The following SLC5A11 variants were observed in gnomAD, a reference collection of about 807,000 sequenced individuals.
The protein encoded by SLC5A11 is solute carrier family 5 member 11, also known as sodium/myo-inositol cotransporter 2.
SLC5A11 carries 48 observed loss-of-function variants against 69.8 expected under a neutral mutation model. The observed-to-expected ratio is 0.69, with a 90% CI of 0.55 to 0.87. The LOEUF (loss-of-function observed/expected upper bound fraction) is 0.87, where lower values mean the gene tolerates loss of function less well. SLC5A11 is among the 40% of genes least tolerant of loss of function. SLC5A11 has a pLI of 0.00. For synonymous variants in SLC5A11, 319 were observed against 342.4 expected (o/e 0.93, Z 0.75); for missense variants, 784 against 866.1 (o/e 0.91, Z 1.19).
chr16:24,877,313 A>G, exon 7 of SLC5A11: 9 of 1,614,080 alleles, frequency 5.6e-6, no homozygotes, highest in Non-Finnish European at 5.9e-6. Context: ...CTGGATCTGT[A>G]CCTGGCCATA....
intron 10 of SLC5A11, among the ~76,000 whole-genome samples, chr16:24,901,958 G>GCACACACACACACACACACACACACA (rs56126191): frequency 1.5e-5 from 2 of 136,576 alleles, no homozygotes; most frequent in African/African-American, 5.5e-5. Flanking sequence ...ACACACACAC[G>GCACACACACACACACACACACACACA]CACACACACA....
chr16:24,855,890 T>G (rs2059506836), intron 1 of SLC5A11, among the ~76,000 whole-genome samples: 1 of 152,172 alleles, frequency 6.6e-6, no homozygotes. Flanking sequence ...GTCTAAGGTA[T>G]TTGATTGTAA....
chr16:24,875,704 A>G (rs767525127), exon 6 of SLC5A11: 2 of 1,613,694 alleles, frequency 1.2e-6, no homozygotes, highest in East Asian at 2.2e-5. Context: ...TACTCTACCT[A>G]TTTATCTACA....
chr16:24,895,206 C>T (rs148327210), intron 9 of SLC5A11, among the ~76,000 whole-genome samples: 12 of 151,920 alleles, frequency 7.9e-5, no homozygotes, highest in East Asian at 3.9e-4. Context: ...AAAACAGACC[C>T]GGCTGGGTGT....
intron 8 of SLC5A11, among the ~76,000 whole-genome samples, chr16:24,888,482 T>C (rs944573191): frequency 2.9e-4 from 39 of 136,008 alleles, no homozygotes; most frequent in Non-Finnish European, 5.7e-4. Flanking sequence ...CTATTTCTTT[T>C]TTTTTTTTTT....
At chr16:24,888,336 G>A (rs2048522680) in intron 8 of SLC5A11, among the ~76,000 whole-genome samples, 1 of 151,826 alleles carries the variant, frequency 6.6e-6, no homozygotes. Flanking sequence ...AGAAAAATGA[G>A]AACATTACAT....
At chr16:24,866,244 T>C (rs1215529032) in intron 3 of SLC5A11, among the ~76,000 whole-genome samples, 3 of 151,396 alleles carry the variant, frequency 2.0e-5, no homozygotes, top group South Asian at 4.2e-4. Context: ...AGGCAGAGAA[T>C]GGATTTTTTT....
intron 10 of SLC5A11, among the ~76,000 whole-genome samples, chr16:24,901,929 A>T (rs562967992): frequency 9.0e-6 from 1 of 111,252 alleles, no homozygotes; most frequent in African/African-American, 3.7e-5. Flanking sequence ...TGGAAAAAAA[A>T]ATACACACAC....
At chr16:24,866,417 G>A (rs274105) in intron 3 of SLC5A11, among the ~76,000 whole-genome samples, 21,988 of 151,550 alleles carry the variant, frequency 0.15, 2,107 homozygotes, top group Non-Finnish European at 0.21. Flanking sequence ...TGGGTAACAT[G>A]GTGAAACTCC....
chr16:24,851,993 C>CTCTG (rs756349920), intron 1 of SLC5A11, among the ~76,000 whole-genome samples: 1 of 149,024 alleles, frequency 6.7e-6, no homozygotes, highest in Non-Finnish European at 1.5e-5. Flanking sequence ...CTCTCTCTCT[C>CTCTG]TCCCACTCTA....
intron 1 of SLC5A11, among the ~76,000 whole-genome samples, chr16:24,854,464 C>T (rs1490638742): frequency 6.6e-6 from 1 of 151,812 alleles, no homozygotes; most frequent in Non-Finnish European, 1.5e-5. Flanking sequence ...GAGTCTCACT[C>T]TGTCCCCCAG....
intron 2 of SLC5A11, among the ~76,000 whole-genome samples, chr16:24,861,564 A>G (rs2046540249): frequency 1.3e-5 from 2 of 149,632 alleles, no homozygotes; most frequent in African/African-American, 2.5e-5. Context: ...GAAAAGAAAG[A>G]AAGAGAGAGA....
intron 15 of SLC5A11, 122 bp from the exon 17 acceptor site, chr16:24,911,206 T>G: frequency 2.7e-6 from 2 of 744,122 alleles, no homozygotes; most frequent in Non-Finnish European, 4.5e-6. Context: ...CAGTCGGGCA[T>G]AGTGGATGGT....
At chr16:24,884,119 T>A (rs773774503) in exon 8 of SLC5A11, 7 of 1,614,066 alleles carry the variant, frequency 4.3e-6, no homozygotes, top group Non-Finnish European at 5.9e-6. Flanking sequence ...AGCGCTCACC[T>A]TGATGGGCTA....
intron 2 of SLC5A11, among the ~76,000 whole-genome samples, chr16:24,861,736 AAAG>A (rs1388182689): frequency 1.3e-5 from 1 of 77,640 alleles, no homozygotes; most frequent in Non-Finnish European, 2.1e-5. Context: ...GAAGAAAGAA[AAAG>A]AAAGAAAGAA....
intron 2 of SLC5A11, 77 bp downstream of exon 3, chr16:24,858,855 C>CT (rs1567576178): frequency 6.7e-7 from 1 of 1,491,154 alleles, no homozygotes; most frequent in Admixed American, 2.2e-5. Flanking sequence ...TAACCTCATC[C>CT]TTTTGGAGCT....
chr16:24,887,805 G>A (rs1185268721), intron 8 of SLC5A11, among the ~76,000 whole-genome samples: 1 of 152,068 alleles, frequency 6.6e-6, no homozygotes, highest in Non-Finnish European at 1.5e-5. Context: ...AATGTAACTT[G>A]ATATAATTTG....
Position 24,887,284 on chromosome 16 carries a change from A to T in SLC5A11, c.664+3153A>T, listed in dbSNP as rs569763593. Among the ~76,000 whole-genome samples, 7 of 152,308 alleles carry T rather than the reference A, an allele frequency of 4.6e-5. No individual in the cohort carries two copies. The South Asian group carries it at 1.5e-3, about 32-fold the overall frequency. On this transcript the variant is annotated intron_variant, in intron 8 of 15. Coordinates refer to ENST00000347898, the Ensembl canonical transcript of SLC5A11. ...TTATGACTAAAGAGAAAATGGTAGT[A>T]AATAATGATCCAGTTAAAATCATTA...
At chr16:24,872,219 G>A in exon 5 of SLC5A11, 4 of 1,614,144 alleles carry the variant, frequency 2.5e-6, no homozygotes, top group Non-Finnish European at 2.5e-6. Context: ...TTGCTGGTCA[G>A]GTGAGTCGGG....
Sources: gnomAD v4.1 joint callset for allele counts (sites outside exome capture counted in the v4.1 genomes callset) on GRCh38, gnomAD v4.1.1 for gene constraint, MANE v1.5 for transcripts, NCBI Gene and HGNC (gene_info 2026-07-23, HGNC 2026-07-21) for gene names.